PTPRD: variants seen among roughly 807,000 people sequenced by gnomAD.
PTPRD encodes the protein protein tyrosine phosphatase receptor type D, also known as receptor-type tyrosine-protein phosphatase delta.
In PTPRD, 34 loss-of-function variants were observed where a neutral mutation model predicts 214.5. The observed-to-expected ratio is 0.16, with a 90% CI of 0.12 to 0.21. PTPRD has a LOEUF of 0.21. Ranked by LOEUF, PTPRD falls within the 10% of genes least tolerant of loss-of-function variation. The pLI is 1.00. For synonymous variants in PTPRD, 1,128 were observed against 845.7 expected (o/e 1.33, Z -5.79); for missense variants, 2,545 against 2,398.7 (o/e 1.06, Z -1.27).
intron 9 of PTPRD, among the ~76,000 whole-genome samples, chr9:9,245,936 A>T (rs548058005): frequency 1.3e-5 from 2 of 152,074 alleles, no homozygotes; most frequent in Non-Finnish European, 2.9e-5. Flanking sequence ...TATTTTTAAA[A>T]GTCCAGTCTG....
intron 4 of PTPRD, among the ~76,000 whole-genome samples, chr9:9,975,323 A>T (rs4742646): frequency 3.9e-5 from 6 of 152,064 alleles, no homozygotes; most frequent in Admixed American, 1.3e-4. Context: ...TTCAGACATA[A>T]ATACTTAACT....
At chr9:8,959,831 T>C (rs2099149818) in intron 11 of PTPRD, among the ~76,000 whole-genome samples, 1 of 152,042 alleles carries the variant, frequency 6.6e-6, no homozygotes, top group Admixed American at 6.6e-5. Context: ...CCAGGGCATG[T>C]AGACGGAGTT....
At chr9:8,498,694 G>GA (rs2097331193) in intron 25 of PTPRD, among the ~76,000 whole-genome samples, 1 of 152,128 alleles carries the variant, frequency 6.6e-6, no homozygotes. Context: ...CTTGGATAAT[G>GA]AAAGTATTCC....
intron 3 of PTPRD, among the ~76,000 whole-genome samples, chr9:10,244,632 T>C (rs1403244236): frequency 6.6e-6 from 1 of 152,102 alleles, no homozygotes; most frequent in Admixed American, 6.6e-5. Context: ...AAGATGAAAA[T>C]AAAACATTAT....
chr9:10,271,559 TTG>T (rs1301268088), intron 3 of PTPRD, among the ~76,000 whole-genome samples: 3 of 133,072 alleles, frequency 2.3e-5, no homozygotes, highest in Non-Finnish European at 3.3e-5. Flanking sequence ...CTTTTTTTTT[TTG>T]AGACGGAATC....
At chr9:10,039,687 C>A (rs558887980) in intron 3 of PTPRD, among the ~76,000 whole-genome samples, 1 of 151,052 alleles carries the variant, frequency 6.6e-6, no homozygotes, top group Non-Finnish European at 1.5e-5. Flanking sequence ...GAAAAAAAAA[C>A]AAAGGGGTAT....
rs1479300151 is a variant in PTPRD at position 10,479,598 on chromosome 9, C to T, written c.-600+132800G>A. The stretch of plus-strand genomic sequence containing the variant: ...CAAGACCAAGCTAGCCTGGGTAACA[C>T]GGTGAAACCCCATCTCTAAAAAAAG... On this transcript the variant is annotated intron_variant, in intron 2 of 45. Transcript: ENST00000381196. 1.4e-4 allele frequency among the ~76,000 whole-genome samples: 19 copies of T among 132,738 alleles called. No homozygotes were observed. The South Asian group carries it at 3.5e-3, about 25-fold the overall frequency. The allele number at this position is 132,738 out of a possible 152,430, so 87.1% of individuals were successfully genotyped here.
intron 3 of PTPRD, among the ~76,000 whole-genome samples, chr9:10,187,882 T>C (rs1385625275): frequency 2.0e-5 from 3 of 152,332 alleles, no homozygotes; most frequent in African/African-American, 7.2e-5. Context: ...GAATTATCTT[T>C]CCTAAATGTA....
intron 2 of PTPRD, among the ~76,000 whole-genome samples, chr9:10,559,321 C>A (rs952366338): frequency 5.3e-5 from 8 of 152,078 alleles, no homozygotes; most frequent in African/African-American, 1.9e-4. Flanking sequence ...TATTAATTTA[C>A]TATGCTATCC....
At chr9:8,335,434 A>G (rs564672356) in intron 43 of PTPRD, among the ~76,000 whole-genome samples, 1 of 152,364 alleles carries the variant, frequency 6.6e-6, no homozygotes, top group East Asian at 1.9e-4. Context: ...CTTTGGCAAA[A>G]TTCAACACCA....
chr9:8,909,410 T>C (rs997405180), intron 11 of PTPRD, among the ~76,000 whole-genome samples: 1 of 152,168 alleles, frequency 6.6e-6, no homozygotes, highest in African/African-American at 2.4e-5. Flanking sequence ...ATTATATATA[T>C]TGATCGAGTG....
At chr9:9,274,866 G>C (rs1944357852) in intron 9 of PTPRD, among the ~76,000 whole-genome samples, 2 of 148,732 alleles carry the variant, frequency 1.3e-5, no homozygotes, top group East Asian at 4.1e-4. Flanking sequence ...GGTTTAGATA[G>C]GAATGATTCT....
rs956955451 is a variant in PTPRD, at chr9:8,632,149, C to CTGTGTG, written c.352+1162_352+1167dup. Among the ~76,000 whole-genome samples, 5 of 114,420 alleles carry CTGTGTG rather than the reference C, an allele frequency of 4.4e-5. No individual in the cohort carries two copies. In the East Asian group the frequency reaches 1.1e-3, roughly 26 times the overall value. 75.1% of individuals were successfully genotyped at this position (114,420 alleles called of 152,430 possible). ...TGTGTGTGTGTGTGTGTGTGTGTGT[C>CTGTGTG]TGTGTGTGTGTGTGTTTAGTTTCAA... is the stretch of plus-strand genomic sequence containing the variant. On this transcript the variant is annotated intron_variant, in intron 14 of 45. Coordinates refer to ENST00000381196, the MANE Select transcript of PTPRD (RefSeq NM_002839.4).
intron 9 of PTPRD, among the ~76,000 whole-genome samples, chr9:9,213,886 G>A (rs1217856808): frequency 1.3e-5 from 2 of 152,010 alleles, no homozygotes; most frequent in Non-Finnish European, 2.9e-5. Context: ...CTTATCCCTT[G>A]TTCAGCTTTG....
chr9:8,320,352 G>T (rs1459447692), intron 44 of PTPRD, among the ~76,000 whole-genome samples: 1 of 152,074 alleles, frequency 6.6e-6, no homozygotes, highest in African/African-American at 2.4e-5. Flanking sequence ...TTCAGAATAA[G>T]GTGAAGTGAA....
chr9:9,024,355 T>TTTG (rs1554639642), intron 10 of PTPRD, among the ~76,000 whole-genome samples: 19 of 127,506 alleles, frequency 1.5e-4, no homozygotes, highest in African/African-American at 3.7e-4. Context: ...TTTGTTTGTT[T>TTTG]TTTTTTTTTT....
At chr9:9,010,773 C>A (rs1029897446) in intron 11 of PTPRD, among the ~76,000 whole-genome samples, 3 of 152,070 alleles carry the variant, frequency 2.0e-5, no homozygotes, top group African/African-American at 7.2e-5. Context: ...TAAGAACACT[C>A]TTTTTGAGTG....
At position 8,718,788 on chromosome 9, in the gene PTPRD, G is replaced by C. The variant is rs572890488; in HGVS notation, c.64+14992C>G. Among the ~76,000 whole-genome samples, 25 of 152,280 alleles carry C rather than the reference G, an allele frequency of 1.6e-4. No homozygotes were observed. The East Asian group carries it at 4.1e-3, about 25-fold the overall frequency. The stretch of plus-strand genomic sequence containing the variant: ...TTCTTAAATTTTCCCACGTGAGCCA[G>C]GGATTCCAATTCTGAACCTTCTCAT... On this transcript the variant is annotated intron_variant, in intron 12 of 45. Coordinates refer to ENST00000381196, the MANE Select transcript of PTPRD (RefSeq NM_002839.4).
intron 3 of PTPRD, among the ~76,000 whole-genome samples, chr9:10,271,103 C>T (rs1332317437): frequency 6.6e-6 from 1 of 152,020 alleles, no homozygotes; most frequent in Non-Finnish European, 1.5e-5. Context: ...AAATTACAGA[C>T]CTGAACCATG....
Sources: allele counts gnomAD v4.1 joint callset (sites outside exome capture counted in the v4.1 genomes callset), GRCh38; gene constraint gnomAD v4.1.1; transcripts MANE v1.5; gene names NCBI Gene and HGNC (gene_info 2026-07-23, HGNC 2026-07-21).